OR9Q1: variants seen among roughly 807,000 people sequenced by gnomAD.
The protein encoded by OR9Q1 is olfactory receptor family 9 subfamily Q member 1, also known as olfactory receptor 9Q1.
For synonymous variants in OR9Q1, 153 were observed against 148.6 expected (o/e 1.03, Z -0.22); for missense variants, 374 against 378.8 (o/e 0.99, Z 0.11).
At chr11:58,105,878 T>C (rs1036246455) in intron 2 of OR9Q1, among the ~76,000 whole-genome samples, 1 of 152,158 alleles carries the variant, frequency 6.6e-6, no homozygotes, top group African/African-American at 2.4e-5. Flanking sequence ...GATGGATGCT[T>C]GGATTGTTTC....
intron 1 of OR9Q1, among the ~76,000 whole-genome samples, chr11:58,034,492 T>A (rs1853076422): frequency 6.6e-6 from 1 of 152,220 alleles, no homozygotes; most frequent in Non-Finnish European, 1.5e-5. Flanking sequence ...CACAAACATT[T>A]GAATTTTATA....
chr11:58,045,803 A>G (rs1392729927), intron 1 of OR9Q1, among the ~76,000 whole-genome samples: 1 of 152,240 alleles, frequency 6.6e-6, no homozygotes, highest in African/African-American at 2.4e-5. Context: ...CCTAAGCCTC[A>G]GCACCACTCT....
At chr11:58,097,977 G>C (rs1158787725) in intron 2 of OR9Q1, among the ~76,000 whole-genome samples, 2 of 152,284 alleles carry the variant, frequency 1.3e-5, no homozygotes, top group East Asian at 3.9e-4. Context: ...TTACCAAGTT[G>C]CATGAAGAAA....
At chr11:58,061,482 G>A (rs1399594603) in intron 2 of OR9Q1, among the ~76,000 whole-genome samples, 1 of 152,174 alleles carries the variant, frequency 6.6e-6, no homozygotes, top group Non-Finnish European at 1.5e-5. Context: ...TGTAGATGAG[G>A]AATGTGAAGC....
At chr11:58,122,056 C>T (rs1292020149) in intron 2 of OR9Q1, among the ~76,000 whole-genome samples, 1 of 152,116 alleles carries the variant, frequency 6.6e-6, no homozygotes, top group Non-Finnish European at 1.5e-5. Context: ...GGTCTAATTC[C>T]ACTGGGACCT....
At chr11:58,063,435 A>C (rs1354360751) in intron 2 of OR9Q1, among the ~76,000 whole-genome samples, 2 of 152,190 alleles carry the variant, frequency 1.3e-5, no homozygotes, top group African/African-American at 4.8e-5. Context: ...ATTTAATCTT[A>C]AGGATTTGAA....
chr11:58,025,324 A>G (rs1444491443), intron 1 of OR9Q1, among the ~76,000 whole-genome samples: 1 of 152,008 alleles, frequency 6.6e-6, no homozygotes, highest in Non-Finnish European at 1.5e-5. Flanking sequence ...CCGCCGTGCT[A>G]CTATAGGGTG....
chr11:58,122,259 C>G (rs61902767), intron 2 of OR9Q1, among the ~76,000 whole-genome samples: 32,605 of 152,086 alleles, frequency 0.21, 3,975 homozygotes, highest in Middle Eastern at 0.38. Context: ...TGACAGATCA[C>G]GTCAAACATG....
At chr11:58,043,898 C>G (rs1853190916) in intron 1 of OR9Q1, among the ~76,000 whole-genome samples, 1 of 152,170 alleles carries the variant, frequency 6.6e-6, no homozygotes, top group African/African-American at 2.4e-5. Flanking sequence ...ATCCTGAGCT[C>G]TGTGGGTCCA....
intron 2 of OR9Q1, among the ~76,000 whole-genome samples, chr11:58,095,165 CA>C (rs1252317581): frequency 3.9e-5 from 6 of 152,226 alleles, no homozygotes; most frequent in African/African-American, 1.4e-4. Context: ...AGATTTTCTA[CA>C]GCAGGGCTTT....
At chr11:58,132,270 T>C (rs371270431) in intron 2 of OR9Q1, among the ~76,000 whole-genome samples, 1 of 152,220 alleles carries the variant, frequency 6.6e-6, no homozygotes, top group East Asian at 1.9e-4. Flanking sequence ...AAATAATTTG[T>C]ATTTACAATC....
chr11:58,066,804 T>C (rs1163427824), intron 2 of OR9Q1, among the ~76,000 whole-genome samples: 1 of 151,982 alleles, frequency 6.6e-6, no homozygotes, highest in African/African-American at 2.4e-5. Flanking sequence ...CCACACCCCA[T>C]CATCTTCAAA....
chr11:58,142,005 A>T (rs990098057), intron 2 of OR9Q1, among the ~76,000 whole-genome samples: 1 of 152,122 alleles, frequency 6.6e-6, no homozygotes, highest in African/African-American at 2.4e-5. Flanking sequence ...CTGGCAATTT[A>T]TGTCTTTATT....
intron 2 of OR9Q1, among the ~76,000 whole-genome samples, chr11:58,079,254 T>A (rs969147964): frequency 1.3e-5 from 2 of 152,142 alleles, no homozygotes; most frequent in Non-Finnish European, 2.9e-5. Context: ...GTCTTTTTTT[T>A]TTTTTATCTT....
chr11:58,146,707 G>A (rs528707318), intron 2 of OR9Q1, among the ~76,000 whole-genome samples: 2 of 152,300 alleles, frequency 1.3e-5, no homozygotes, highest in East Asian at 3.9e-4. Context: ...GCTTCTGAGA[G>A]AAATTAACGT....
At chr11:58,074,640 T>C (rs1853522017) in intron 2 of OR9Q1, among the ~76,000 whole-genome samples, 1 of 152,214 alleles carries the variant, frequency 6.6e-6, no homozygotes, top group East Asian at 1.9e-4. Context: ...TTGGCTTTTG[T>C]TACAATTGCT....
chr11:58,153,329 C>A (rs1394957318), intron 2 of OR9Q1, among the ~76,000 whole-genome samples: 2 of 152,086 alleles, frequency 1.3e-5, no homozygotes, highest in Non-Finnish European at 2.9e-5. Flanking sequence ...AGAAACTGTT[C>A]AAAGAGGGGA....
At chr11:58,141,502 T>C (rs1854248602) in intron 2 of OR9Q1, among the ~76,000 whole-genome samples, 1 of 152,210 alleles carries the variant, frequency 6.6e-6, no homozygotes, top group South Asian at 2.1e-4. Context: ...ATTGGTTCTG[T>C]TTATATGCTG....
At chr11:58,034,379 A>G (rs1267703149) in intron 1 of OR9Q1, among the ~76,000 whole-genome samples, 1 of 151,754 alleles carries the variant, frequency 6.6e-6, no homozygotes, top group Non-Finnish European at 1.5e-5. Context: ...GAGCCACTGC[A>G]CCCGGCCAGC....
Sources: gnomAD v4.1 joint callset for allele counts (sites outside exome capture counted in the v4.1 genomes callset) on GRCh38, gnomAD v4.1.1 for gene constraint, MANE v1.5 for transcripts, NCBI Gene and HGNC (gene_info 2026-07-23, HGNC 2026-07-21) for gene names.